The following NRP1 variants were observed in gnomAD, a reference collection of about 807,000 sequenced individuals.
The protein encoded by NRP1 is neuropilin 1.
A neutral mutation model predicts 106.7 loss-of-function variants in NRP1; 35 were observed. The ratio of observed to expected loss-of-function variants is 0.33; its 90% CI spans 0.25 to 0.43. NRP1 has a LOEUF of 0.43. Among genes scored for constraint, NRP1 ranks in the 20% least tolerant of loss-of-function variants. The pLI, the probability that NRP1 is intolerant of heterozygous loss-of-function variation, is 1.00. For missense variants in NRP1, 1,024 were observed against 1,170.4 expected, an observed-to-expected ratio of 0.87 and a Z score of 1.83; for synonymous variants, 437 against 417.9, an observed-to-expected ratio of 1.05 and a Z score of -0.56.
chr10:33,202,749 G>A lies in NRP1; in HGVS notation c.1864+142C>T, dbSNP rs778985229. The A allele has an allele frequency of 1.3e-5, 21 of 1,564,314 alleles. 1 individual carries two copies. The Middle Eastern group carries it at 5.0e-4, about 37-fold the overall frequency. ...CCAGATGACATGAGGAAATGAAGAT[G>A]CACGTGTTCTGGCAAGGCAGCTTCT... is the stretch of plus-strand genomic sequence containing the variant. On this transcript the variant is annotated intron_variant, in intron 11 of 16. Coordinates refer to ENST00000374867, the MANE Select transcript of NRP1 (RefSeq NM_003873.7).
chr10:33,189,797 T>A (rs1393334868), intron 13 of NRP1, among the ~76,000 whole-genome samples: 1 of 152,174 alleles, frequency 6.6e-6, no homozygotes, highest in Non-Finnish European at 1.5e-5. Flanking sequence ...AATAATATTA[T>A]AAAAAAAGCA....
In NRP1 at chr10:33,186,210, G is replaced by C. The variant is rs1835995029; in HGVS notation, c.2334+7C>G. 3 of 1,590,880 alleles carry C rather than the reference G, an allele frequency of 1.9e-6. No homozygotes were observed. Among genetic ancestry groups the C allele is most frequent in the Non-Finnish European group, 2.6e-6 (3 of 1,166,594 alleles). On this transcript the variant is annotated splice_region_variant and intron_variant, in intron 14 of 16. Transcript: ENST00000374867. Reference sequence around the variant, plus strand: ...CTGCCCTCCCCAGCCTTGGGAAGAGGTCATACCTGATAAAGTTTCAGAGAC... The same window carrying C: ...CTGCCCTCCCCAGCCTTGGGAAGAGCTCATACCTGATAAAGTTTCAGAGAC...
chr10:33,246,583 A>T (rs12784815), intron 6 of NRP1, among the ~76,000 whole-genome samples: 1 of 137,646 alleles, frequency 7.3e-6, no homozygotes, highest in Non-Finnish European at 1.7e-5. Context: ...AGTTGCAATA[A>T]ACACACACAC....
At chr10:33,308,568 C>T (rs1486148744) in intron 2 of NRP1, among the ~76,000 whole-genome samples, 3 of 151,962 alleles carry the variant, frequency 2.0e-5, no homozygotes, top group Admixed American at 6.6e-5. Flanking sequence ...CTCACTGCAG[C>T]CTCTGCCTCC....
chr10:33,247,282 A>G (rs564946505), intron 6 of NRP1, among the ~76,000 whole-genome samples: 3 of 151,934 alleles, frequency 2.0e-5, no homozygotes, highest in South Asian at 4.2e-4. Flanking sequence ...CCAAGGGCTC[A>G]TAAGTTATTT....
chr10:33,224,548 C>CT (rs34104704), intron 7 of NRP1, among the ~76,000 whole-genome samples: 42,774 of 143,026 alleles, frequency 0.3, 6,469 homozygotes, highest in East Asian at 0.62. Context: ...CCATTTTGTT[C>CT]TTTTTTTTTT....
At position 33,232,817 on chromosome 10, in the gene NRP1, A is replaced by AT. The variant is rs957768237; in HGVS notation, c.982-6529dup. On this transcript the variant is annotated intron_variant, in intron 6 of 16. Transcript: ENST00000374867. ...GCTCTCACGCCCAGCTAATTTTTGT[A>AT]TTTTTTTTTTAGTAGAGATGGGGTT... 1.2e-3 allele frequency among the ~76,000 whole-genome samples: 171 copies of AT among 144,476 alleles called. No individual in the cohort carries two copies. In the East Asian group the frequency reaches 0.021, roughly 17 times the overall value. The allele number at this position is 144,476 out of a possible 152,430, so 94.8% of individuals were successfully genotyped here.
intron 9 of NRP1, among the ~76,000 whole-genome samples, chr10:33,210,893 T>C (rs1838247431): frequency 6.6e-6 from 1 of 152,232 alleles, no homozygotes; most frequent in African/African-American, 2.4e-5. Context: ...CGCTCTAAAA[T>C]GGAAGATTTT....
intron 13 of NRP1, among the ~76,000 whole-genome samples, chr10:33,190,718 G>C (rs1164259903): frequency 6.6e-6 from 1 of 152,164 alleles, no homozygotes; most frequent in Admixed American, 6.5e-5. Context: ...GCAGTGCTCT[G>C]TAAGTATTTC....
chr10:33,182,709 A>G lies in NRP1; in HGVS notation c.2471T>C (p.Ile824Thr), dbSNP rs201570278. 1.4e-4 allele frequency: 230 copies of G among 1,612,750 alleles called. No homozygotes were observed. The highest frequency in any genetic ancestry group is 1.2e-4 in the Admixed American group (7 of 59,968). Reference sequence around the variant, plus strand: ...CAAGACAAATTTACCTGTTTCATCAATTTTAATTTCTGGGTTCTTTTTATC... The same window carrying G: ...CAAGACAAATTTACCTGTTTCATCAGTTTTAATTTCTGGGTTCTTTTTATC... ...DLDKKNPEIK[I>T]DETGSTPGYE... is the part of the protein sequence containing the mutation. Residue 824 changes from isoleucine (I) to threonine (T), a missense_variant, in exon 16 of 17, where the codon ATT becomes ACT. By Grantham distance (89) the Ile-to-Thr change is moderately conservative. Transcript: ENST00000374867.
chr10:33,249,331 T>C (rs1487664274), intron 6 of NRP1: 4 of 400,698 alleles, frequency 1.0e-5, no homozygotes, highest in Admixed American at 6.3e-5. Flanking sequence ...CACTGTGTAC[T>C]TAGTTTGCGG....
At chr10:33,288,681 C>T (rs1250978147) in intron 2 of NRP1, 1 of 152,186 alleles carries the variant, frequency 6.6e-6, no homozygotes, top group Admixed American at 6.5e-5. Flanking sequence ...TCTGGCATCC[C>T]TTTCTAGATG....
intron 6 of NRP1, among the ~76,000 whole-genome samples, chr10:33,253,236 A>G (rs560893743): frequency 1.3e-5 from 2 of 152,156 alleles, no homozygotes; most frequent in Non-Finnish European, 2.9e-5. Context: ...GAATACCCAG[A>G]TATCAAGGTT....
At chr10:33,313,867 C>T (rs1846798236) in intron 2 of NRP1, among the ~76,000 whole-genome samples, 2 of 152,188 alleles carry the variant, frequency 1.3e-5, no homozygotes, top group African/African-American at 4.8e-5. Context: ...GCCTCTGCCC[C>T]AGACAGTCTT....
chr10:33,191,252 C>A (rs974952129), intron 13 of NRP1, among the ~76,000 whole-genome samples: 4 of 152,088 alleles, frequency 2.6e-5, no homozygotes, highest in African/African-American at 9.7e-5. Context: ...GGAGAAGCTG[C>A]CAGCTTTTTC....
intron 6 of NRP1, among the ~76,000 whole-genome samples, chr10:33,239,177 C>T (rs1009792817): frequency 1.1e-4 from 16 of 151,710 alleles, no homozygotes; most frequent in Admixed American, 3.9e-4. Context: ...TGTAGTCCAG[C>T]TACTTGGGAG....
At position 33,177,738 on chromosome 10, in the gene NRP1, A is replaced by G. The variant is rs1835462010; in HGVS notation, c.*2338T>C. The G allele has an allele frequency of 6.6e-6, 1 of 152,662 alleles. No homozygotes were observed. The highest frequency in any genetic ancestry group is 2.1e-4 in the South Asian group (1 of 4,830). The allele number at this position is 152,662 out of a possible 1,614,324, so 9.5% of individuals were successfully genotyped here. On this transcript the variant is annotated 3_prime_UTR_variant, in exon 17 of 17. Coordinates refer to ENST00000374867, the MANE Select transcript of NRP1 (RefSeq NM_003873.7). ...GCACAAAATCTTATGATGGTACAAAACATGAAGCAATAATATACCAGTAAA... is the reference window on the plus strand; with the variant it reads ...GCACAAAATCTTATGATGGTACAAAGCATGAAGCAATAATATACCAGTAAA...
At chr10:33,260,268 C>G (rs1351781596) in intron 4 of NRP1, among the ~76,000 whole-genome samples, 1 of 152,094 alleles carries the variant, frequency 6.6e-6, no homozygotes, top group East Asian at 1.9e-4. Context: ...AATTAATACA[C>G]TTTTTGGTGT....
intron 2 of NRP1, among the ~76,000 whole-genome samples, chr10:33,316,536 C>T (rs1338518619): frequency 6.6e-6 from 1 of 152,162 alleles, no homozygotes; most frequent in Non-Finnish European, 1.5e-5. Flanking sequence ...ATTATCTGAG[C>T]CTAGTGGCTA....
Sources: allele counts gnomAD v4.1 joint callset (sites outside exome capture counted in the v4.1 genomes callset), GRCh38; gene constraint gnomAD v4.1.1; transcripts MANE v1.5; gene names NCBI Gene and HGNC (gene_info 2026-07-23, HGNC 2026-07-21).